GTF2H1: variants seen among roughly 807,000 people sequenced by gnomAD.
GTF2H1 encodes general transcription factor IIH subunit 1.
Under a neutral mutation model 71.2 loss-of-function variants are expected in GTF2H1, and 16 were observed. That is an observed-to-expected ratio of 0.22 (90% confidence interval 0.15 to 0.34). The LOEUF is 0.34. Among genes scored for constraint, GTF2H1 ranks in the 10% least tolerant of loss-of-function variants. The pLI is 1.00. For missense variants in GTF2H1, 498 were observed against 648.2 expected (o/e 0.77, Z 2.52); for synonymous variants, 215 against 219.0 (o/e 0.98, Z 0.16).
At chr11:18,329,453 A>G (rs1165157528) in intron 1 of GTF2H1, among the ~76,000 whole-genome samples, 1 of 152,174 alleles carries the variant, frequency 6.6e-6, no homozygotes, top group Admixed American at 6.5e-5. Flanking sequence ...GCACTTTAAC[A>G]ATGTCTGTTC....
chr11:18,363,559 A>G (rs1465828259), intron 14 of GTF2H1, among the ~76,000 whole-genome samples: 2 of 152,200 alleles, frequency 1.3e-5, no homozygotes, highest in Non-Finnish European at 2.9e-5. Context: ...AGGATAAATA[A>G]AAGGGGAGTT....
chr11:18,340,397 A>G (rs1286322887), intron 5 of GTF2H1, among the ~76,000 whole-genome samples: 1 of 151,668 alleles, frequency 6.6e-6, no homozygotes, highest in Non-Finnish European at 1.5e-5. Context: ...AAGTGATTCT[A>G]CTGCCTCCGC....
intron 1 of GTF2H1, among the ~76,000 whole-genome samples, chr11:18,330,596 A>T (rs377365544): frequency 2.0e-5 from 3 of 152,212 alleles, no homozygotes; most frequent in African/African-American, 7.2e-5. Context: ...CGGGAGGGCT[A>T]TGTGTCCTGG....
At chr11:18,351,822 T>C (rs1209380927) in intron 9 of GTF2H1, 59 bp from the exon 10 acceptor site, 24 of 919,760 alleles carry the variant, frequency 2.6e-5, no homozygotes, top group Admixed American at 1.9e-5. Flanking sequence ...TTTTCAGTCA[T>C]GTTTATTGTG....
intron 7 of GTF2H1, among the ~76,000 whole-genome samples, chr11:18,344,408 C>A (rs1565011468): frequency 6.6e-6 from 1 of 152,028 alleles, no homozygotes; most frequent in Non-Finnish European, 1.5e-5. Flanking sequence ...CACCTGAGGT[C>A]AGGAGTTTGA....
Position 18,366,853 on chromosome 11 carries a change from C to T in GTF2H1, c.*984C>T, listed in dbSNP as rs1590203565. 1 of 145,438 alleles carries T rather than the reference C, an allele frequency of 6.9e-6. No homozygotes were observed. Among genetic ancestry groups the T allele is most frequent in the Non-Finnish European group, 1.5e-5 (1 of 67,174 alleles). The allele number at this position is 145,438 out of a possible 1,614,324, so 9.0% of individuals were successfully genotyped here. A position where few individuals can be genotyped will look rare whatever the true frequency, so the allele number is the denominator to read the frequency against. On this transcript the variant is annotated 3_prime_UTR_variant, in exon 15 of 15. Coordinates refer to ENST00000265963, the MANE Select transcript of GTF2H1 (RefSeq NM_005316.4). ...AGTATTTGACTGTTACTGTCCTTGG[C>T]GAATCGATAATCATTGCATAGTGAC...
intron 9 of GTF2H1, among the ~76,000 whole-genome samples, chr11:18,349,868 G>A (rs1031455023): frequency 4.6e-5 from 7 of 152,044 alleles, no homozygotes; most frequent in African/African-American, 1.2e-4. Context: ...AATGTGTTCC[G>A]AACACTTAGA....
intron 1 of GTF2H1, among the ~76,000 whole-genome samples, chr11:18,332,418 G>A (rs1864921621): frequency 6.6e-6 from 1 of 152,238 alleles, no homozygotes; most frequent in Non-Finnish European, 1.5e-5. Flanking sequence ...GGCAGGGGAT[G>A]GAGGTGGAGG....
chr11:18,341,415 CTGTT>C lies in GTF2H1; in HGVS notation c.757+7_757+10del, dbSNP rs749410502. ...GTGCCAAAATAGATGAAAAAGGTAA[CTGTT>C]TATCTCTGATAGACACTGGTATTTA... On this transcript the variant is annotated splice_donor_region_variant and intron_variant, in intron 6 of 14. Coordinates refer to ENST00000265963, the MANE Select transcript of GTF2H1 (RefSeq NM_005316.4). 1.1e-5 allele frequency: 17 copies of C among 1,613,346 alleles called. No individual in the cohort carries two copies. The highest frequency in any genetic ancestry group is 1.6e-4 in the Middle Eastern group (1 of 6,080).
intron 7 of GTF2H1, among the ~76,000 whole-genome samples, chr11:18,345,422 TG>T (rs1368994870): frequency 1.3e-5 from 2 of 152,118 alleles, no homozygotes; most frequent in Non-Finnish European, 2.9e-5. Flanking sequence ...TTCTGTTTAT[TG>T]GCCTGTTCCT....
chr11:18,358,362 G>T (rs1865612059), intron 12 of GTF2H1, among the ~76,000 whole-genome samples, 163 bp from the exon 13 acceptor site: 1 of 152,154 alleles, frequency 6.6e-6, no homozygotes, highest in Non-Finnish European at 1.5e-5. Context: ...TAAATTTTAT[G>T]ATCTCTCAGC....
intron 9 of GTF2H1, chr11:18,351,678 T>G (rs574157781): frequency 5.1e-6 from 2 of 389,452 alleles, no homozygotes; most frequent in Admixed American, 4.0e-5. Flanking sequence ...CTTCATGTGG[T>G]CAGAGTGTAA....
At chr11:18,360,581 T>A (rs1355751760) in intron 13 of GTF2H1, 34 bp from the exon 14 acceptor site, 1 of 1,023,810 alleles carries the variant, frequency 9.8e-7, no homozygotes, top group African/African-American at 1.7e-5. Flanking sequence ...AGCTTGAGAT[T>A]TCTCTGTAAT....
chr11:18,354,860 G>A (rs1865506145), intron 11 of GTF2H1, among the ~76,000 whole-genome samples: 1 of 151,974 alleles, frequency 6.6e-6, no homozygotes, highest in Non-Finnish European at 1.5e-5. Context: ...CCAGGCTGAA[G>A]TGCAGTGGCA....
At chr11:18,344,758 C>T (rs1865245498) in intron 7 of GTF2H1, among the ~76,000 whole-genome samples, 1 of 152,106 alleles carries the variant, frequency 6.6e-6, no homozygotes, top group Non-Finnish European at 1.5e-5. Context: ...CTGCATACTT[C>T]TCAGTTGGGG....
In GTF2H1 at chr11:18,360,656, G is replaced by A. The variant is rs766914959; in HGVS notation, c.1509G>A (p.Thr503=). 8.9e-6 allele frequency: 14 copies of A among 1,568,324 alleles called. No individual in the cohort carries two copies. Among genetic ancestry groups the A allele is most frequent in the South Asian group, 6.1e-5 (5 of 81,842 alleles). ...GTAATTTGGAACGATTCCAAGTTAC[G>A]AAGCTCTGTCCATTCCAAGAAAAGA... ...MKSNLERFQV[T]KLCPFQEKIR... is the part of the protein sequence containing the mutation. Residue 503 remains threonine, a synonymous_variant, in exon 14 of 15, where the codon ACG becomes ACA. Coordinates refer to ENST00000265963, the MANE Select transcript of GTF2H1 (RefSeq NM_005316.4).
intron 14 of GTF2H1, among the ~76,000 whole-genome samples, chr11:18,362,288 AT>A (rs1200162547): frequency 6.6e-6 from 1 of 152,126 alleles, no homozygotes; most frequent in Non-Finnish European, 1.5e-5. Context: ...TGTAAAGGGC[AT>A]TTACCATAAA....
intron 5 of GTF2H1, 91 bp downstream of exon 5, chr11:18,339,748 C>A: frequency 2.7e-6 from 2 of 740,546 alleles, no homozygotes; most frequent in Non-Finnish European, 4.5e-6. Context: ...GATTCCTGAT[C>A]AAGTGCAATA....
intron 1 of GTF2H1, among the ~76,000 whole-genome samples, chr11:18,332,171 C>G (rs1263832210): frequency 1.3e-5 from 2 of 152,166 alleles, no homozygotes; most frequent in Admixed American, 6.5e-5. Context: ...TGCGGTAAAG[C>G]TTCACTTATT....
Sources: allele counts gnomAD v4.1 joint callset (sites outside exome capture counted in the v4.1 genomes callset), GRCh38; gene constraint gnomAD v4.1.1; transcripts MANE v1.5; gene names NCBI Gene and HGNC (gene_info 2026-07-23, HGNC 2026-07-21).